Variants in PAIP2B observed in about 807,000 individuals in gnomAD.
PAIP2B encodes the protein polyadenylate-binding protein-interacting protein 2B.
A neutral mutation model predicts 17.0 loss-of-function variants in PAIP2B; 13 were observed. That is an observed-to-expected ratio of 0.76 (90% CI 0.50 to 1.22). The LOEUF (loss-of-function observed/expected upper bound fraction) is 1.22. Among genes scored for constraint, PAIP2B ranks in the 50% most tolerant of loss-of-function variants. PAIP2B has a pLI of 0.00. For missense variants in PAIP2B, 117 were observed against 144.5 expected, an observed-to-expected ratio of 0.81 and a Z score of 0.98; for synonymous variants, 43 against 48.7, an observed-to-expected ratio of 0.88 and a Z score of 0.48.
chr2:71,199,307 C>A (rs1674913584), intron 2 of PAIP2B, among the ~76,000 whole-genome samples: 1 of 151,846 alleles, frequency 6.6e-6, no homozygotes, highest in Non-Finnish European at 1.5e-5. Flanking sequence ...CCCCCTTAAT[C>A]TCAACACTCA....
intron 1 of PAIP2B, among the ~76,000 whole-genome samples, chr2:71,203,451 A>C (rs935351615): frequency 6.6e-6 from 1 of 152,082 alleles, no homozygotes; most frequent in Non-Finnish European, 1.5e-5. Context: ...ACACTACTAT[A>C]AGAATTTAAA....
At chr2:71,224,208 T>A (rs1200509803) in intron 1 of PAIP2B, among the ~76,000 whole-genome samples, 3 of 152,202 alleles carry the variant, frequency 2.0e-5, no homozygotes, top group Admixed American at 1.3e-4. Context: ...CTGGCACCTG[T>A]TAGTAGAGAG....
At chr2:71,192,152 A>G (rs1415994371) in intron 2 of PAIP2B, among the ~76,000 whole-genome samples, 1 of 152,232 alleles carries the variant, frequency 6.6e-6, no homozygotes, top group Non-Finnish European at 1.5e-5. Flanking sequence ...AAAGGAGAGC[A>G]GAAACTAGAT....
intron 2 of PAIP2B, among the ~76,000 whole-genome samples, chr2:71,197,174 G>C (rs1674843570): frequency 6.6e-6 from 1 of 152,140 alleles, no homozygotes; most frequent in Admixed American, 6.5e-5. Flanking sequence ...TCTATATTTA[G>C]TGCTCTTTTC....
At chr2:71,195,128 G>A (rs1674784504) in intron 2 of PAIP2B, among the ~76,000 whole-genome samples, 1 of 152,154 alleles carries the variant, frequency 6.6e-6, no homozygotes, top group Admixed American at 6.5e-5. Flanking sequence ...GATTTGGTTT[G>A]CAAGTATTTT....
At chr2:71,220,055 A>G (rs1327644036) in intron 1 of PAIP2B, among the ~76,000 whole-genome samples, 3 of 152,164 alleles carry the variant, frequency 2.0e-5, no homozygotes, top group Non-Finnish European at 4.4e-5. Context: ...GATGTACCAT[A>G]GTTTACTTAA....
At chr2:71,211,454 T>C (rs887325500) in intron 1 of PAIP2B, among the ~76,000 whole-genome samples, 2 of 152,134 alleles carry the variant, frequency 1.3e-5, no homozygotes, top group Non-Finnish European at 2.9e-5. Context: ...GTAATTCCGA[T>C]ATATAGAAAG....
chr2:71,210,062 G>C (rs1293122904), intron 1 of PAIP2B, among the ~76,000 whole-genome samples: 5 of 152,094 alleles, frequency 3.3e-5, no homozygotes, highest in Admixed American at 3.3e-4. Context: ...CTGACCTCGT[G>C]ATCTGCCCGC....
At chr2:71,206,557 G>A (rs1675133708) in intron 1 of PAIP2B, among the ~76,000 whole-genome samples, 1 of 152,138 alleles carries the variant, frequency 6.6e-6, no homozygotes, top group South Asian at 2.1e-4. Context: ...GCTTGAAATA[G>A]GGACTTATGT....
Position 71,184,289 on chromosome 2 carries a change from G to C in PAIP2B, c.*4190C>G, listed in dbSNP as rs1674475586. 1 of 152,180 alleles carries C rather than the reference G, an allele frequency of 6.6e-6. No individual in the cohort carries two copies. The highest frequency in any genetic ancestry group is 2.1e-4 in the South Asian group (1 of 4,824). 9.4% of individuals were successfully genotyped at this position (152,180 alleles called of 1,614,324 possible). A position where few individuals can be genotyped will look rare whatever the true frequency, so the allele number is the denominator to read the frequency against. On this transcript the variant is annotated 3_prime_UTR_variant, in exon 4 of 4. Coordinates refer to ENST00000244221, the MANE Select transcript of PAIP2B (RefSeq NM_020459.1). ...AAGATGGTGCATCTGTCCCTTTACA[G>C]ATTTCTCTCCTGTCCCCTGGGACTG...
At chr2:71,189,704 A>G in intron 3 of PAIP2B, 141 bp downstream of exon 3, 2 of 705,496 alleles carry the variant, frequency 2.8e-6, no homozygotes, top group Non-Finnish European at 4.4e-6. Context: ...CTTATTAATA[A>G]TGCCCATAAA....
At chr2:71,214,654 G>A (rs1675382999) in intron 1 of PAIP2B, among the ~76,000 whole-genome samples, 1 of 152,182 alleles carries the variant, frequency 6.6e-6, no homozygotes, top group Admixed American at 6.5e-5. Context: ...GCTATATACA[G>A]CCTTTATCTA....
chr2:71,198,521 G>A (rs1031802252), intron 2 of PAIP2B, among the ~76,000 whole-genome samples: 14 of 151,974 alleles, frequency 9.2e-5, no homozygotes, highest in Admixed American at 5.9e-4. Context: ...TCCTGACCTC[G>A]TGATCCGCCC....
At chr2:71,199,218 A>G (rs1241350791) in intron 2 of PAIP2B, among the ~76,000 whole-genome samples, 1 of 151,966 alleles carries the variant, frequency 6.6e-6, no homozygotes, top group South Asian at 2.1e-4. Flanking sequence ...TGTTTCCCTT[A>G]TTGTGGAAGT....
chr2:71,209,710 T>G (rs574697198), intron 1 of PAIP2B, among the ~76,000 whole-genome samples: 2 of 152,380 alleles, frequency 1.3e-5, no homozygotes, highest in Non-Finnish European at 1.5e-5. Flanking sequence ...TCTAACTTTT[T>G]GTTTATTCTT....
Position 71,210,914 on chromosome 2 carries a change from A to G in PAIP2B, c.-11-8314T>C, listed in dbSNP as rs534632650. On this transcript the variant is annotated intron_variant, in intron 1 of 3. Coordinates refer to ENST00000244221, the MANE Select transcript of PAIP2B (RefSeq NM_020459.1). The stretch of plus-strand genomic sequence containing the variant: ...ACAGTCTAGTCCCTGGACCAGACCC[A>G]AGAAAACAAAACAGAAGCATACTGA... Among the ~76,000 whole-genome samples, 613 of 152,310 alleles carry G rather than the reference A, an allele frequency of 4.0e-3. 4 individuals are homozygous for G. Among genetic ancestry groups the G allele is most frequent in the African/African-American group, 0.014 (588 of 41,570 alleles).
chr2:71,216,881 GTATTT>G (rs1208856512), intron 1 of PAIP2B, among the ~76,000 whole-genome samples: 2 of 152,118 alleles, frequency 1.3e-5, no homozygotes, highest in African/African-American at 4.8e-5. Context: ...TCCATCCAAT[GTATTT>G]TATTTTTATG....
At chr2:71,199,251 G>A (rs1674911737) in intron 2 of PAIP2B, among the ~76,000 whole-genome samples, 1 of 151,882 alleles carries the variant, frequency 6.6e-6, no homozygotes, top group Non-Finnish European at 1.5e-5. Context: ...TTGCATATGA[G>A]TTGGGAAATC....
intron 1 of PAIP2B, among the ~76,000 whole-genome samples, chr2:71,221,072 T>G (rs954482617): frequency 1.3e-5 from 2 of 152,234 alleles, no homozygotes; most frequent in Non-Finnish European, 2.9e-5. Context: ...CCTGTATTTC[T>G]AAATTGTTCT....
Sources: gnomAD v4.1 joint callset for allele counts (sites outside exome capture counted in the v4.1 genomes callset) on GRCh38, gnomAD v4.1.1 for gene constraint, MANE v1.5 for transcripts, NCBI Gene and HGNC (gene_info 2026-07-23, HGNC 2026-07-21) for gene names.